The following PLA2G4C variants were observed in gnomAD, a reference collection of about 807,000 sequenced individuals.
The protein encoded by PLA2G4C is phospholipase A2 group IVC.
A neutral mutation model predicts 73.8 loss-of-function variants in PLA2G4C; 64 were observed. That is an observed-to-expected ratio of 0.87 (90% CI 0.71 to 1.07). The LOEUF (loss-of-function observed/expected upper bound fraction) is 1.07, where lower values mean the gene tolerates loss of function less well. Among genes scored for constraint, PLA2G4C ranks in the 50% least tolerant of loss-of-function variants. The probability of loss-of-function intolerance (pLI) is 0.00; values close to 1 mark genes in which losing one functional copy is unlikely to be tolerated. For missense variants in PLA2G4C, 622 were observed against 665.4 expected, an observed-to-expected ratio of 0.93 and a Z score of 0.72; for synonymous variants, 254 against 252.1, an observed-to-expected ratio of 1.01 and a Z score of -0.07.
chr19:48,102,912 T>C (rs2031988807), intron 4 of PLA2G4C, among the ~76,000 whole-genome samples: 1 of 152,170 alleles, frequency 6.6e-6, no homozygotes, highest in Admixed American at 6.5e-5. Context: ...TTCCCAGTCT[T>C]CATCGTCCAC....
At chr19:48,077,902 C>T (rs1045187881) in intron 10 of PLA2G4C, 78 bp from the exon 11 acceptor site, 26 of 1,199,726 alleles carry the variant, frequency 2.2e-5, no homozygotes, top group Admixed American at 1.6e-4. Flanking sequence ...CCTGCAGCGA[C>T]GTCTCTTTAA....
chr19:48,052,773 C>T (rs999933986), intron 16 of PLA2G4C, among the ~76,000 whole-genome samples: 5 of 152,198 alleles, frequency 3.3e-5, no homozygotes, highest in African/African-American at 4.8e-5. Flanking sequence ...TATTTTGTTA[C>T]AGCAGCCCTA....
intron 4 of PLA2G4C, chr19:48,104,266 C>T (rs2032054735): frequency 4.0e-6 from 1 of 250,558 alleles, no homozygotes; most frequent in Non-Finnish European, 7.8e-6. Flanking sequence ...GTGAGCTATT[C>T]CAGTAAATTA....
chr19:48,101,674 CTT>C lies in PLA2G4C; in HGVS notation c.258-1816_258-1815del, dbSNP rs71181648. 5.1e-3 allele frequency among the ~76,000 whole-genome samples: 677 copies of C among 131,764 alleles called. 8 individuals carry two copies. The highest frequency in any genetic ancestry group is 0.015 in the African/African-American group (546 of 35,316). 86.4% of individuals were successfully genotyped at this position (131,764 alleles called of 152,430 possible). A position where few individuals can be genotyped will look rare whatever the true frequency, so the allele number is the denominator to read the frequency against. On this transcript the variant is annotated intron_variant, in intron 4 of 16. Coordinates refer to ENST00000599921, the MANE Select transcript of PLA2G4C (RefSeq NM_003706.3). ...TATGAAAAGTTCTTTCCTTTAATAT[CTT>C]TTTTTTTTTTTTTTTGAGATGGAGT...
At chr19:48,056,689 G>A (rs371752231) in intron 14 of PLA2G4C, among the ~76,000 whole-genome samples, 10 of 144,768 alleles carry the variant, frequency 6.9e-5, no homozygotes, top group African/African-American at 1.5e-4. Context: ...AAAATTAGCC[G>A]GGCATGGTGG....
intron 16 of PLA2G4C, among the ~76,000 whole-genome samples, chr19:48,050,395 C>A (rs548683645): frequency 2.6e-5 from 4 of 152,120 alleles, no homozygotes; most frequent in Non-Finnish European, 5.9e-5. Context: ...CTCTACCTTG[C>A]GACCCTGAGG....
At position 48,095,586 on chromosome 19, in the gene PLA2G4C, G is replaced by T; in HGVS notation, c.587C>A (p.Thr196Asn). Residue 196 changes from threonine (T) to asparagine (N), a missense_variant, in exon 7 of 17, where the codon ACC becomes AAC. Coordinates refer to ENST00000599921, the MANE Select transcript of PLA2G4C (RefSeq NM_003706.3). Reference protein sequence around the residue: ...ARAPETWFEFTPHHAGFSALG... With the variant: ...ARAPETWFEFNPHHAGFSALG... ...TGCAGAGAAGCCAGCGTGGTGAGGG[G>T]TGAACTCGAACCAGGTCTCTGCAGA... 1 of 1,614,132 alleles carries T rather than the reference G, an allele frequency of 6.2e-7. No individual in the cohort carries two copies. Among genetic ancestry groups the T allele is most frequent in the Non-Finnish European group, 8.5e-7 (1 of 1,180,002 alleles).
In PLA2G4C at chr19:48,053,265, C is replaced by T. The variant is rs149275255; in HGVS notation, c.1430-118G>A. ...ACTACAGTTGTGGACCAAATCCAGTCGGCCCACTACTTTGGCTTTATAAAT... is the reference window on the plus strand; with the variant it reads ...ACTACAGTTGTGGACCAAATCCAGTTGGCCCACTACTTTGGCTTTATAAAT... On this transcript the variant is annotated intron_variant, in intron 15 of 16. Coordinates refer to ENST00000599921, the MANE Select transcript of PLA2G4C (RefSeq NM_003706.3). 299 of 587,574 alleles carry T rather than the reference C, an allele frequency of 5.1e-4. 2 individuals carry two copies. Among genetic ancestry groups the T allele is most frequent in the African/African-American group, 4.5e-3 (240 of 53,816 alleles). The allele number at this position is 587,574 out of a possible 1,614,324, so 36.4% of individuals were successfully genotyped here. A position where few individuals can be genotyped will look rare whatever the true frequency, so the allele number is the denominator to read the frequency against.
At position 48,062,127 on chromosome 19, in the gene PLA2G4C, G is replaced by C; in HGVS notation, c.1128C>G (p.Ser376Arg). ...KHGGIRDKIMSSRKHLHLVDA... is the reference protein window; with the variant it reads ...KHGGIRDKIMRSRKHLHLVDA... ...CCACCAGGTGGAGGTGCTTCCGGCT[G>C]CTCATTATCTTGTCCCGGATGCCAC... The change falls in exon 14 of 17, where the codon AGC becomes AGG. Residue 376 changes from serine to arginine, a missense_variant. Ser to Arg is a moderately radical substitution (Grantham distance 110, BLOSUM62 -1). Coordinates refer to ENST00000599921, the MANE Select transcript of PLA2G4C (RefSeq NM_003706.3). The C allele has an allele frequency of 6.3e-7, 1 of 1,596,532 alleles. No individual in the cohort carries two copies. The highest frequency in any genetic ancestry group is 1.1e-5 in the South Asian group (1 of 88,222).
At position 48,064,215 on chromosome 19, in the gene PLA2G4C, G is replaced by A. The variant is rs552136373; in HGVS notation, c.1103-2063C>T. The stretch of plus-strand genomic sequence containing the variant: ...AGGCCAAGGTGGGTGGATCACCTGA[G>A]GTCAGGAGTTCAAGACCAGCCTGAC... On this transcript the variant is annotated intron_variant, in intron 13 of 16. Transcript: ENST00000599921. Among the ~76,000 whole-genome samples the A allele has an allele frequency of 3.9e-5, 6 of 152,272 alleles. No individual in the cohort carries two copies. In the East Asian group the frequency reaches 1.2e-3, roughly 29 times the overall value.
chr19:48,054,859 G>C lies in PLA2G4C; in HGVS notation c.1429+19C>G, dbSNP rs188308567. 6 of 1,612,400 alleles carry C rather than the reference G, an allele frequency of 3.7e-6. No homozygotes were observed. The African/African-American group carries it at 8.0e-5, about 22-fold the overall frequency. On this transcript the variant is annotated intron_variant, in intron 15 of 16. Coordinates refer to ENST00000599921, the MANE Select transcript of PLA2G4C (RefSeq NM_003706.3). Reference sequence around the variant, plus strand: ...GACTAATACAGGTGGCTTCTCACCTGCTCCTCCCCTGCACCTACCTCCACA... The same window carrying C: ...GACTAATACAGGTGGCTTCTCACCTCCTCCTCCCCTGCACCTACCTCCACA...
intron 16 of PLA2G4C, chr19:48,051,834 T>G (rs1276508002): frequency 6.6e-6 from 1 of 151,916 alleles, no homozygotes; most frequent in Non-Finnish European, 1.5e-5. Context: ...GAAAGACAGT[T>G]TCTTGCATGA....
chr19:48,073,749 G>A (rs1039347082), intron 12 of PLA2G4C, among the ~76,000 whole-genome samples: 11 of 151,960 alleles, frequency 7.2e-5, no homozygotes, highest in African/African-American at 1.5e-4. Context: ...AAAGTGAATG[G>A]GGAGCAGGCA....
chr19:48,073,746 A>G (rs11083912), intron 12 of PLA2G4C, among the ~76,000 whole-genome samples: 69,761 of 151,618 alleles, frequency 0.46, 16,198 homozygotes, highest in South Asian at 0.48. Flanking sequence ...TGGAAAGTGA[A>G]TGGGGAGCAG....
chr19:48,102,035 C>T (rs1940969653), intron 4 of PLA2G4C, among the ~76,000 whole-genome samples: 1 of 151,984 alleles, frequency 6.6e-6, no homozygotes, highest in African/African-American at 2.4e-5. Flanking sequence ...ATAAAACGCC[C>T]AGCAGCTTTC....
intron 7 of PLA2G4C, among the ~76,000 whole-genome samples, chr19:48,094,575 C>T (rs2031473601): frequency 6.6e-6 from 1 of 152,128 alleles, no homozygotes; most frequent in Non-Finnish European, 1.5e-5. Context: ...ATGAGAAAAA[C>T]GAGGCTCAGG....
rs1216106059 is a variant in PLA2G4C, at chr19:48,105,947, C to CTTCTTTCTTTCT, written c.9-515_9-504dup. On this transcript the variant is annotated intron_variant, in intron 2 of 16. Transcript: ENST00000599921. ...CCTCCCTCCCTCCCTCCCTCCCTCCCTTCTTTCTTTCTTTCTTTCTTTCTT... is the reference window on the plus strand; with the variant it reads ...CCTCCCTCCCTCCCTCCCTCCCTCCCTTCTTTCTTTCTTTCTTTCTTTCTTTCTTTCTTTCTT... 2.9e-3 allele frequency among the ~76,000 whole-genome samples: 27 copies of CTTCTTTCTTTCT among 9,160 alleles called. 2 individuals are homozygous for CTTCTTTCTTTCT. The highest frequency in any genetic ancestry group is 3.9e-3 in the Admixed American group (3 of 764). The allele number at this position is 9,160 out of a possible 152,430, so 6.0% of individuals were successfully genotyped here.
rs780130778 is a variant in PLA2G4C at position 48,053,000 on chromosome 19, G to A, written c.1577C>T (p.Ala526Val). The A allele has an allele frequency of 4.4e-6, 7 of 1,606,698 alleles. No homozygotes were observed. Among genetic ancestry groups the A allele is most frequent in the Non-Finnish European group, 6.0e-6 (7 of 1,174,738 alleles). ...KKILRELMNV[A>V]GLYYPKDSAR... is the part of the protein sequence containing the mutation. The stretch of plus-strand genomic sequence containing the variant: ...GCGACTATGGTCTCCCACCTACCCG[G>A]CCACGTTCATCAACTCTCTAAGGAT... The change falls in exon 16 of 17, where the codon GCC (alanine) becomes GTC (valine). Residue 526 changes from alanine (A) to valine (V), a missense_variant. Transcript: ENST00000599921.
In PLA2G4C at chr19:48,110,677, C is replaced by T. The variant is rs1330702218; in HGVS notation, c.-223G>A. 1 of 480,326 alleles carries T rather than the reference C, an allele frequency of 2.1e-6. No individual in the cohort carries two copies. The highest frequency in any genetic ancestry group is 2.7e-5 in the African/African-American group (1 of 37,178). The allele number at this position is 480,326 out of a possible 1,614,324, so 29.8% of individuals were successfully genotyped here. A position where few individuals can be genotyped will look rare whatever the true frequency, so the allele number is the denominator to read the frequency against. On this transcript the variant is annotated 5_prime_UTR_variant, in exon 1 of 17. Transcript: ENST00000599921. The stretch of plus-strand genomic sequence containing the variant: ...TGTGGTCCTCCTGCTTTCCTTTTCC[C>T]CCTGTGGGAGGAGGTCGCGGGCTGG...
Sources: allele counts gnomAD v4.1 joint callset (sites outside exome capture counted in the v4.1 genomes callset), GRCh38; gene constraint gnomAD v4.1.1; transcripts MANE v1.5; gene names NCBI Gene and HGNC (gene_info 2026-07-23, HGNC 2026-07-21).